RNF5: variants seen among roughly 807,000 people sequenced by gnomAD.
RNF5 encodes the protein ring finger protein 5, also known as E3 ubiquitin-protein ligase RNF5.
RNF5 carries 16 observed loss-of-function variants against 24.4 expected under a neutral mutation model. The observed-to-expected ratio is 0.66, with a 90% CI of 0.44 to 1.00. RNF5 has a LOEUF of 1.00. Ranked by LOEUF, RNF5 falls within the 50% of genes least tolerant of loss-of-function variation. The probability of loss-of-function intolerance (pLI) is 0.00; values close to 1 mark genes in which losing one functional copy is unlikely to be tolerated. For missense variants in RNF5, 185 were observed against 236.7 expected (o/e 0.78, Z 1.43); for synonymous variants, 64 against 88.5 (o/e 0.72, Z 1.55).
At chr6:32,178,690 G>A in intron 1 of RNF5, 39 bp downstream of exon 1, 2 of 1,597,130 alleles carry the variant, frequency 1.3e-6, no homozygotes, top group East Asian at 2.2e-5. Context: ...GGTGGGTCTC[G>A]CTTATATACT....
chr6:32,180,176 G>A, intron 5 of RNF5, 50 bp downstream of exon 5: 2 of 1,610,678 alleles, frequency 1.2e-6, no homozygotes, highest in East Asian at 2.2e-5. Flanking sequence ...ATCCCCTCAG[G>A]CCCCCTCCCA....
rs112124640 is a variant in RNF5, at chr6:32,178,737, G to C, written c.140+86G>C. The C allele has an allele frequency of 4.1e-5, 57 of 1,374,788 alleles. 1 individual carries two copies. The highest frequency in any genetic ancestry group is 5.6e-5 in the Non-Finnish European group (56 of 997,636). 85.2% of individuals were successfully genotyped at this position (1,374,788 alleles called of 1,614,324 possible). A position where few individuals can be genotyped will look rare whatever the true frequency, so the allele number is the denominator to read the frequency against. Reference sequence around the variant, plus strand: ...GAGCGAATAATCATACAGTCATACAGATAATCGGAGGGCACGTTCCCATAG... The same window carrying C: ...GAGCGAATAATCATACAGTCATACACATAATCGGAGGGCACGTTCCCATAG... On this transcript the variant is annotated intron_variant, in intron 1 of 5. Transcript: ENST00000375094.
In RNF5 at chr6:32,179,515, T is replaced by C. The variant is rs768452413; in HGVS notation, c.141-26T>C. 6.6e-6 allele frequency: 2 copies of C among 304,924 alleles called. No homozygotes were observed. The highest frequency in any genetic ancestry group is 5.4e-5 in the Admixed American group (1 of 18,438). 18.9% of individuals were successfully genotyped at this position (304,924 alleles called of 1,614,324 possible). A position where few individuals can be genotyped will look rare whatever the true frequency, so the allele number is the denominator to read the frequency against. On this transcript the variant is annotated intron_variant, in intron 1 of 5. Coordinates refer to ENST00000375094, the MANE Select transcript of RNF5 (RefSeq NM_006913.4). This position sits in a 1 kb window ranked among gnomAD's most constrained non-coding sequence, Gnocchi z 5.4. ...TCTCTTTTCTGTAGCTAGTTTGACC[T>C]TTTTTTTTTTTTCTCCCCCATCCAG...
chr6:32,180,346 C>T lies in RNF5; in HGVS notation c.*20C>T. ...ATTTGAGCTATGTCTGCTTCCTGCCCACCTCCAGCCAGAGAAGAATCAGTA... is the reference window on the plus strand; with the variant it reads ...ATTTGAGCTATGTCTGCTTCCTGCCTACCTCCAGCCAGAGAAGAATCAGTA... On this transcript the variant is annotated 3_prime_UTR_variant, in exon 6 of 6. Coordinates refer to ENST00000375094, the MANE Select transcript of RNF5 (RefSeq NM_006913.4). 6.3e-7 allele frequency: 1 copy of T among 1,590,708 alleles called. No homozygotes were observed. The highest frequency in any genetic ancestry group is 8.5e-7 in the Non-Finnish European group (1 of 1,171,170).
In RNF5 at chr6:32,180,510, C is replaced by T. The variant is rs1786006941; in HGVS notation, c.*184C>T. The T allele has an allele frequency of 5.0e-6, 3 of 604,992 alleles. No individual in the cohort carries two copies. Among genetic ancestry groups the T allele is most frequent in the Admixed American group, 5.8e-5 (2 of 34,346 alleles). 37.5% of individuals were successfully genotyped at this position (604,992 alleles called of 1,614,324 possible). ...GTCTGTGCATAGATGGGAGAGCCTTCTGCTCAGAGGCTCACTCAGTAACGT... is the reference window on the plus strand; with the variant it reads ...GTCTGTGCATAGATGGGAGAGCCTTTTGCTCAGAGGCTCACTCAGTAACGT... On this transcript the variant is annotated 3_prime_UTR_variant, in exon 6 of 6. Coordinates refer to ENST00000375094, the MANE Select transcript of RNF5 (RefSeq NM_006913.4).
Position 32,180,138 on chromosome 6 carries a change from A to G in RNF5, c.445+12A>G. The G allele has an allele frequency of 1.2e-6, 2 of 1,613,174 alleles. No individual in the cohort carries two copies. The highest frequency in any genetic ancestry group is 2.2e-5 in the East Asian group (1 of 44,864). On this transcript the variant is annotated intron_variant, in intron 5 of 5. Coordinates refer to ENST00000375094, the MANE Select transcript of RNF5 (RefSeq NM_006913.4). ...CCGCCGGGGTACAGGTAAGAGTCACACTCAGCTCCCATCAGGGAGCCCTGT... is the reference window on the plus strand; with the variant it reads ...CCGCCGGGGTACAGGTAAGAGTCACGCTCAGCTCCCATCAGGGAGCCCTGT...
rs766772205 is a variant in RNF5 at position 32,180,372 on chromosome 6, T to C, written c.*46T>C. 1.0e-5 allele frequency: 16 copies of C among 1,548,994 alleles called. No individual in the cohort carries two copies. The African/African-American group carries it at 1.6e-4, about 16-fold the overall frequency. ...ACCTCCAGCCAGAGAAGAATCAGTA[T>C]TGAGGGTCCCTGCTGACCCTTCCGT... On this transcript the variant is annotated 3_prime_UTR_variant, in exon 6 of 6. Transcript: ENST00000375094.
chr6:32,179,855 C>T lies in RNF5; in HGVS notation c.273-22C>T. 1 of 1,614,110 alleles carries T rather than the reference C, an allele frequency of 6.2e-7. No homozygotes were observed. Among genetic ancestry groups the T allele is most frequent in the South Asian group, 1.1e-5 (1 of 91,092 alleles). ...ATGGGAGGAGAAAAATCCCTGTTAACTTTCTCTCTCCACTTCCTCAGATTA... is the reference window on the plus strand; with the variant it reads ...ATGGGAGGAGAAAAATCCCTGTTAATTTTCTCTCTCCACTTCCTCAGATTA... On this transcript the variant is annotated intron_variant, in intron 3 of 5. Transcript: ENST00000375094. This position sits in a 1 kb window ranked among gnomAD's most constrained non-coding sequence, Gnocchi z 5.4.
Position 32,179,944 on chromosome 6 carries a change from G to T in RNF5, c.327+13G>T. 6.2e-7 allele frequency: 1 copy of T among 1,614,216 alleles called. No individual in the cohort carries two copies. The highest frequency in any genetic ancestry group is 1.1e-5 in the South Asian group (1 of 91,090). ...GGAGAGCAGAGGGGTGAGTCTTCTTGTCCAGTTGTGTCCCTTCCTTGACAG... is the reference window on the plus strand; with the variant it reads ...GGAGAGCAGAGGGGTGAGTCTTCTTTTCCAGTTGTGTCCCTTCCTTGACAG... On this transcript the variant is annotated intron_variant, in intron 4 of 5. Transcript: ENST00000375094. The surrounding 1 kb of genome is among the most constrained non-coding windows in gnomAD (Gnocchi z 5.4).
intron 1 of RNF5, 51 bp downstream of exon 1, chr6:32,178,702 G>C: frequency 6.4e-7 from 1 of 1,559,226 alleles, no homozygotes; most frequent in South Asian, 1.1e-5. Flanking sequence ...TTATATACTG[G>C]AGAGGCTAGG....
At position 32,180,246 on chromosome 6, in the gene RNF5, G is replaced by T; in HGVS notation, c.463G>T (p.Gly155Cys). 6.2e-7 allele frequency: 1 copy of T among 1,612,260 alleles called. No individual in the cohort carries two copies. Reference sequence around the variant, plus strand: ...TCCCACAGGTGTGGATCTGGGACAGGGTCACCCAGCCTCCAGCTGGCAGGA... The same window carrying T: ...TCCCACAGGTGTGGATCTGGGACAGTGTCACCCAGCCTCCAGCTGGCAGGA... Reference protein sequence around the residue: ...RRGTGVDLGQGHPASSWQDSL... With the variant: ...RRGTGVDLGQCHPASSWQDSL... Residue 155 changes from glycine to cysteine, a missense_variant, in exon 6 of 6, where the codon GGT (glycine) becomes TGT (cysteine). By Grantham distance (159) the Gly-to-Cys change is radical. Transcript: ENST00000375094.
chr6:32,180,180 C>A (rs772868624), intron 5 of RNF5, 49 bp from the exon 6 acceptor site: 2 of 1,610,968 alleles, frequency 1.2e-6, no homozygotes, highest in East Asian at 4.5e-5. Flanking sequence ...CCTCAGGCCC[C>A]CTCCCAGCCT....
chr6:32,180,185 C>T, intron 5 of RNF5, 44 bp from the exon 6 acceptor site: 1 of 1,610,852 alleles, frequency 6.2e-7, no homozygotes, highest in Non-Finnish European at 8.5e-7. Context: ...GGCCCCCTCC[C>T]AGCCTAGGAG....
Position 32,178,449 on chromosome 6 carries a change from T to G in RNF5, c.-63T>G. 2.1e-6 allele frequency: 3 copies of G among 1,401,710 alleles called. No individual in the cohort carries two copies. The highest frequency in any genetic ancestry group is 2.9e-6 in the Non-Finnish European group (3 of 1,046,160). The allele number at this position is 1,401,710 out of a possible 1,614,324, so 86.8% of individuals were successfully genotyped here. A position where few individuals can be genotyped will look rare whatever the true frequency, so the allele number is the denominator to read the frequency against. On this transcript the variant is annotated 5_prime_UTR_variant, in exon 1 of 6. Transcript: ENST00000375094. Reference sequence around the variant, plus strand: ...TGGGCAGGAGGTGGTTTCTGGTTTGTTGGGGCGTGTGTATGTGTATTTGGG... The same window carrying G: ...TGGGCAGGAGGTGGTTTCTGGTTTGGTGGGGCGTGTGTATGTGTATTTGGG...
At position 32,179,579 on chromosome 6, in the gene RNF5, A is replaced by G. The variant is rs1384729026; in HGVS notation, c.159+20A>G. On this transcript the variant is annotated intron_variant, in intron 2 of 5. Transcript: ENST00000375094. The surrounding 1 kb of genome is among the most constrained non-coding windows in gnomAD (Gnocchi z 5.4). The stretch of plus-strand genomic sequence containing the variant: ...CATCAGGTGCGTACTCAGGAGATGA[A>G]GAGGGAAATGGGGAGGTCTGAGGAG... 1 of 1,613,806 alleles carries G rather than the reference A, an allele frequency of 6.2e-7. No homozygotes were observed. The highest frequency in any genetic ancestry group is 1.7e-5 in the Admixed American group (1 of 59,996).
Position 32,178,412 on chromosome 6 carries a change from G to C in RNF5, c.-100G>C. 1 of 1,013,066 alleles carries C rather than the reference G, an allele frequency of 9.9e-7. No homozygotes were observed. The highest frequency in any genetic ancestry group is 1.4e-6 in the Non-Finnish European group (1 of 708,820). 62.8% of individuals were successfully genotyped at this position (1,013,066 alleles called of 1,614,324 possible). On this transcript the variant is annotated 5_prime_UTR_variant, in exon 1 of 6. Transcript: ENST00000375094. Reference sequence around the variant, plus strand: ...TAGTGATTAGGAAACCTTGAAGCCTGCCCAACGATCGTGGGCAGGAGGTGG... The same window carrying C: ...TAGTGATTAGGAAACCTTGAAGCCTCCCCAACGATCGTGGGCAGGAGGTGG...
chr6:32,180,786 G>A lies in RNF5; in HGVS notation c.*460G>A. 1 of 375,922 alleles carries A rather than the reference G, an allele frequency of 2.7e-6. No individual in the cohort carries two copies. The highest frequency in any genetic ancestry group is 4.8e-6 in the Non-Finnish European group (1 of 209,108). The allele number at this position is 375,922 out of a possible 1,614,324, so 23.3% of individuals were successfully genotyped here. On this transcript the variant is annotated 3_prime_UTR_variant, in exon 6 of 6. Coordinates refer to ENST00000375094, the MANE Select transcript of RNF5 (RefSeq NM_006913.4). ...TTAATACAAATTCAATAAAAAAGGT[G>A]AAATATATTGATGGGATCTCTTCCC...
At position 32,180,118 on chromosome 6, in the gene RNF5, G is replaced by A. The variant is rs1319201716; in HGVS notation, c.437G>A (p.Arg146Gln). The A allele has an allele frequency of 3.7e-6, 6 of 1,613,808 alleles. No homozygotes were observed. The highest frequency in any genetic ancestry group is 1.1e-5 in the South Asian group (1 of 91,088). ...TVFNAHEPFR[R>Q]GTGVDLGQGH... is the part of the protein sequence containing the mutation. ...TTCAATGCCCATGAGCCTTTCCGCC[G>A]GGGTACAGGTAAGAGTCACACTCAG... The change falls in exon 5 of 6, where the codon CGG becomes CAG. Residue 146 changes from arginine (R) to glutamine (Q), a missense_variant. Coordinates refer to ENST00000375094, the MANE Select transcript of RNF5 (RefSeq NM_006913.4).
Position 32,179,513 on chromosome 6 carries a change from C to CG in RNF5, c.141-28_141-27insG. On this transcript the variant is annotated intron_variant, in intron 1 of 5. Transcript: ENST00000375094. The surrounding 1 kb of genome is among the most constrained non-coding windows in gnomAD (Gnocchi z 5.4). ...TCTCTCTTTTCTGTAGCTAGTTTGACCTTTTTTTTTTTTTCTCCCCCATCC... is the reference window on the plus strand; with the variant it reads ...TCTCTCTTTTCTGTAGCTAGTTTGACGCTTTTTTTTTTTTTCTCCCCCATCC... The CG allele has an allele frequency of 6.2e-7, 1 of 1,608,344 alleles. No homozygotes were observed. The highest frequency in any genetic ancestry group is 8.5e-7 in the Non-Finnish European group (1 of 1,175,988).
Sources: gnomAD v4.1 joint callset for allele counts on GRCh38, gnomAD v4.1.1 for gene constraint, Gnocchi (gnomAD v3.1) non-coding constraint, MANE v1.5 for transcripts, NCBI Gene and HGNC (gene_info 2026-07-23, HGNC 2026-07-21) for gene names.